Variants in SP140 observed in about 807,000 individuals in gnomAD.
The protein encoded by SP140 is nuclear body protein SP140.
A neutral mutation model predicts 125.0 loss-of-function variants in SP140; 81 were observed. The ratio of observed to expected loss-of-function variants is 0.65; its 90% confidence interval spans 0.54 to 0.78. SP140 has a LOEUF of 0.78. Among genes scored for constraint, SP140 ranks in the 30% least tolerant of loss-of-function variants. The probability of loss-of-function intolerance (pLI) is 0.00; values close to 1 mark genes in which losing one functional copy is unlikely to be tolerated. For synonymous variants in SP140, 312 were observed against 354.0 expected (o/e 0.88, Z 1.33); for missense variants, 858 against 1,037.0 (o/e 0.83, Z 2.37).
At position 230,241,472 on chromosome 2, in the gene SP140, C is replaced by T. The variant is rs781281172; in HGVS notation, c.475C>T (p.Pro159Ser). ...TTTAGAAGATAGACCCAGATTACTA[C>T]CATATGGTAAACAAGGTAACTATCA... The part of the protein sequence containing the change: ...NDLEDRPRLL[P>S]YGKQENSNAC... Residue 159 changes from proline (P) to serine (S), a missense_variant, in exon 4 of 27, where the codon CCA (proline) becomes TCA (serine). Physicochemically the swap from Pro to Ser is moderately conservative, Grantham distance 74. Transcript: ENST00000392045. 60 of 1,571,072 alleles carry T rather than the reference C, an allele frequency of 3.8e-5. No individual in the cohort carries two copies. Among genetic ancestry groups the T allele is most frequent in the Non-Finnish European group, 4.9e-5 (56 of 1,141,002 alleles).
chr2:230,253,884 G>A (rs1157034193), intron 11 of SP140, among the ~76,000 whole-genome samples: 5 of 152,202 alleles, frequency 3.3e-5, no homozygotes, highest in Admixed American at 6.5e-5. Flanking sequence ...GACAAGCAAA[G>A]CGTATGCAGT....
chr2:230,302,601 A>G (rs999640097), intron 22 of SP140, among the ~76,000 whole-genome samples: 9 of 152,220 alleles, frequency 5.9e-5, no homozygotes, highest in African/African-American at 1.7e-4. Context: ...CAACTGCAGA[A>G]CATACATTCT....
chr2:230,284,763 A>G (rs2149439858), intron 16 of SP140, among the ~76,000 whole-genome samples: 1 of 152,366 alleles, frequency 6.6e-6, no homozygotes, highest in Admixed American at 6.5e-5. Context: ...GTAAACATAC[A>G]TATATGTATA....
At chr2:230,228,134 T>A (rs1168277223) in intron 1 of SP140, among the ~76,000 whole-genome samples, 1 of 152,204 alleles carries the variant, frequency 6.6e-6, no homozygotes, top group Non-Finnish European at 1.5e-5. Context: ...AAAATATTTT[T>A]AAAATTCTTT....
chr2:230,249,626 TA>T (rs1373750656), intron 9 of SP140, among the ~76,000 whole-genome samples: 1 of 151,642 alleles, frequency 6.6e-6, no homozygotes, highest in Non-Finnish European at 1.5e-5. Flanking sequence ...GGAGAAAAGT[TA>T]GAGAAAATTG....
At chr2:230,313,798 C>T (rs2059460504), downstream of SP140, among the ~76,000 whole-genome samples, 2 of 152,270 alleles carry the variant, frequency 1.3e-5, no homozygotes, top group South Asian at 4.1e-4. Context: ...AGCAGTTGCC[C>T]AAATTTTCAC....
intron 1 of SP140, among the ~76,000 whole-genome samples, chr2:230,231,285 A>T (rs554879135): frequency 6.6e-6 from 1 of 152,284 alleles, no homozygotes; most frequent in East Asian, 1.9e-4. Flanking sequence ...GTCTCTTCAC[A>T]CTGTGTTACT....
At chr2:230,257,939 T>C (rs1348029133) in intron 12 of SP140, among the ~76,000 whole-genome samples, 2 of 151,824 alleles carry the variant, frequency 1.3e-5, no homozygotes, top group Non-Finnish European at 2.9e-5. Flanking sequence ...TTGTTAGTGG[T>C]TAGCTGACCT....
chr2:230,191,827 C>T, the SP140 span, among the ~76,000 whole-genome samples: 1 of 150,548 alleles, frequency 6.6e-6, no homozygotes. Flanking sequence ...AGAGACACAA[C>T]AAAAAAAAAG....
At chr2:230,252,417 C>T (rs1384347405) in intron 10 of SP140, among the ~76,000 whole-genome samples, 2 of 151,722 alleles carry the variant, frequency 1.3e-5, no homozygotes, top group African/African-American at 2.4e-5. Context: ...AAGCACAGGA[C>T]CAGGGATGCA....
Position 230,225,807 on chromosome 2 carries a change from A to G in SP140, c.-38A>G, listed in dbSNP as rs1559199456. ...TCAGAGCTGCAGGAAGGAACGGGGC[A>G]GTGAAAATCGAATCGGGTGTGATCC... On this transcript the variant is annotated 5_prime_UTR_variant, in exon 1 of 27. Coordinates refer to ENST00000392045, the MANE Select transcript of SP140 (RefSeq NM_007237.5). The G allele has an allele frequency of 1.1e-5, 18 of 1,574,592 alleles. No homozygotes were observed. The highest frequency in any genetic ancestry group is 1.6e-5 in the Non-Finnish European group (18 of 1,144,052).
In SP140 at chr2:230,255,541, G is replaced by C. The variant is rs200772144; in HGVS notation, c.1240+9G>C. 21 of 48,030 alleles carry C rather than the reference G, an allele frequency of 4.4e-4. No individual in the cohort carries two copies. The highest frequency in any genetic ancestry group is 3.0e-3 in the South Asian group (1 of 332). The allele number at this position is 48,030 out of a possible 1,614,324, so 3.0% of individuals were successfully genotyped here. A position where few individuals can be genotyped will look rare whatever the true frequency, so the allele number is the denominator to read the frequency against. On this transcript the variant is annotated intron_variant, in intron 12 of 26. Transcript: ENST00000392045. Reference sequence around the variant, plus strand: ...AGCAAGACGTGGGTCAGGTAAGGACGGGGGGGGGGATTTCTGGCCCTGGGC... The same window carrying C: ...AGCAAGACGTGGGTCAGGTAAGGACCGGGGGGGGGATTTCTGGCCCTGGGC...
chr2:230,208,086 G>A lies in SP140; in HGVS notation c.-323+4807G>A, dbSNP rs769163012. On this transcript the variant is annotated intron_variant, in intron 1 of 4. Coordinates refer to the SP140 transcript ENST00000456542. Reference sequence around the variant, plus strand: ...TAAAAAGAAAGGATAATGTTTTATAGTTACAAACATTGATCTCCCAATCTT... The same window carrying A: ...TAAAAAGAAAGGATAATGTTTTATAATTACAAACATTGATCTCCCAATCTT... 5 of 1,259,968 alleles carry A rather than the reference G, an allele frequency of 4.0e-6. No individual in the cohort carries two copies. The African/African-American group carries it at 5.9e-5, about 15-fold the overall frequency. 78.0% of individuals were successfully genotyped at this position (1,259,968 alleles called of 1,614,324 possible).
chr2:230,300,065 C>A (rs1032624200), intron 22 of SP140, among the ~76,000 whole-genome samples: 3 of 152,148 alleles, frequency 2.0e-5, no homozygotes, highest in Admixed American at 1.3e-4. Flanking sequence ...CATGGGAGCT[C>A]TATGACCTCA....
chr2:230,232,469 T>G (rs2047400009), intron 1 of SP140, among the ~76,000 whole-genome samples: 1 of 147,742 alleles, frequency 6.8e-6, no homozygotes, highest in Non-Finnish European at 1.5e-5. Flanking sequence ...TCAGCAGGGT[T>G]GTTGTTGTTG....
At chr2:230,216,552 A>T (rs148413863) in intron 3 of SP140, among the ~76,000 whole-genome samples, 105 of 152,302 alleles carry the variant, frequency 6.9e-4, no homozygotes, top group African/African-American at 2.5e-3. Flanking sequence ...TGTTGTTTTA[A>T]GCTACCTGGT....
chr2:230,244,772 G>C (rs1223944836), intron 5 of SP140, among the ~76,000 whole-genome samples: 1 of 152,172 alleles, frequency 6.6e-6, no homozygotes, highest in African/African-American at 2.4e-5. Context: ...AGAAGCAAGA[G>C]TGTGTGGTAA....
At chr2:230,224,520 A>G (rs922085713), upstream of SP140, among the ~76,000 whole-genome samples, 15 of 150,678 alleles carry the variant, frequency 1.0e-4, no homozygotes, top group African/African-American at 3.7e-4. Context: ...GAGGACAGAG[A>G]GAGAGAGAGA....
chr2:230,307,984 TATATATACACACAC>T (rs1368147746), intron 22 of SP140, among the ~76,000 whole-genome samples: 8 of 89,056 alleles, frequency 9.0e-5, no homozygotes, highest in African/African-American at 3.7e-4. Flanking sequence ...TATATATATA[TATATATACACACAC>T]ACACACACAC....
Sources: gnomAD v4.1 joint callset for allele counts (sites outside exome capture counted in the v4.1 genomes callset) on GRCh38, gnomAD v4.1.1 for gene constraint, MANE v1.5 for transcripts, NCBI Gene and HGNC (gene_info 2026-07-23, HGNC 2026-07-21) for gene names.